The following FGF14 variants were observed in gnomAD, a reference collection of about 807,000 sequenced individuals.
The protein encoded by FGF14 is fibroblast growth factor 14.
FGF14 carries 5 observed loss-of-function variants against 25.5 expected under a neutral mutation model. The observed-to-expected ratio is 0.20, with a 90% CI of 0.10 to 0.41. The LOEUF is 0.41. Ranked by LOEUF, FGF14 falls within the 10% of genes least tolerant of loss-of-function variation. The pLI is 1.00. For synonymous variants in FGF14, 138 were observed against 118.3 expected (o/e 1.17, Z -1.08); for missense variants, 222 against 320.1 (o/e 0.69, Z 2.34).
At chr13:102,252,610 T>C (rs1249023946) in intron 1 of FGF14, among the ~76,000 whole-genome samples, 1 of 152,164 alleles carries the variant, frequency 6.6e-6, no homozygotes, top group Non-Finnish European at 1.5e-5. Context: ...GCTATGTAAA[T>C]AGCTGTTATA....
At chr13:101,878,844 G>A (rs1033868434) in intron 1 of FGF14, among the ~76,000 whole-genome samples, 1 of 151,988 alleles carries the variant, frequency 6.6e-6, no homozygotes, top group Non-Finnish European at 1.5e-5. Flanking sequence ...AATGTAATAT[G>A]TAAAAATACA....
intron 1 of FGF14, among the ~76,000 whole-genome samples, chr13:102,241,655 T>C (rs955788378): frequency 6.6e-6 from 1 of 152,156 alleles, no homozygotes; most frequent in Non-Finnish European, 1.5e-5. Flanking sequence ...AGTTTATTTT[T>C]TTCCATTATT....
rs1594017466 is a variant in FGF14 at position 101,720,526 on chromosome 13, T to G, written c.*2305A>C. 1 of 122,698 alleles carries G rather than the reference T, an allele frequency of 8.2e-6. No individual in the cohort carries two copies. The highest frequency in any genetic ancestry group is 2.5e-4 in the East Asian group (1 of 4,016). The allele number at this position is 122,698 out of a possible 1,614,324, so 7.6% of individuals were successfully genotyped here. On this transcript the variant is annotated 3_prime_UTR_variant, in exon 5 of 5. Coordinates refer to ENST00000376143, the MANE Select transcript of FGF14 (RefSeq NM_004115.4). ...TCAGTAACAAATAGATGGGGGTGTT[T>G]GCTCTGTGTGTGTGTGTGTGTGTGT...
intron 1 of FGF14, among the ~76,000 whole-genome samples, chr13:102,161,620 A>AC (rs2047696758): frequency 1.7e-4 from 1 of 5,876 alleles, no homozygotes. Flanking sequence ...GAAGAAGAAG[A>AC]AGAAGAAGAA....
intron 3 of FGF14, among the ~76,000 whole-genome samples, chr13:101,800,113 A>T (rs540030180): frequency 6.6e-6 from 1 of 152,266 alleles, no homozygotes; most frequent in South Asian, 2.1e-4. Context: ...ATTTGCAGAC[A>T]GAAAGAGTGT....
intron 1 of FGF14, among the ~76,000 whole-genome samples, chr13:101,894,141 T>C (rs553360103): frequency 5.3e-5 from 8 of 152,260 alleles, no homozygotes; most frequent in African/African-American, 1.9e-4. Context: ...TTAAAGGTGA[T>C]TTCATATACC....
chr13:102,321,643 G>A (rs1411534669), intron 1 of FGF14, among the ~76,000 whole-genome samples: 3 of 152,078 alleles, frequency 2.0e-5, no homozygotes, highest in Non-Finnish European at 2.9e-5. Context: ...GCCAAAATCT[G>A]CTTACATTTC....
intron 1 of FGF14, among the ~76,000 whole-genome samples, chr13:102,396,111 G>A (rs2139267166): frequency 6.6e-6 from 1 of 152,260 alleles, no homozygotes; most frequent in South Asian, 2.1e-4. Context: ...ACTAAACCTT[G>A]TACCTGGTAC....
chr13:101,979,800 C>T (rs548183934), intron 1 of FGF14, among the ~76,000 whole-genome samples: 2 of 152,100 alleles, frequency 1.3e-5, no homozygotes, highest in East Asian at 1.9e-4. Context: ...ACTGATTATA[C>T]GAGGAAAAGA....
Position 101,720,525 on chromosome 13 carries a change from TTGCTCTGTG to T in FGF14, c.*2297_*2305del, listed in dbSNP as rs996548690. The T allele has an allele frequency of 7.6e-6, 1 of 131,510 alleles. No homozygotes were observed. The highest frequency in any genetic ancestry group is 2.9e-5 in the African/African-American group (1 of 34,408). The allele number at this position is 131,510 out of a possible 1,614,324, so 8.1% of individuals were successfully genotyped here. On this transcript the variant is annotated 3_prime_UTR_variant, in exon 5 of 5. Transcript: ENST00000376143. Reference sequence around the variant, plus strand: ...ATCAGTAACAAATAGATGGGGGTGTTTGCTCTGTGTGTGTGTGTGTGTGTGTGTGTGTGT... The same window carrying T: ...ATCAGTAACAAATAGATGGGGGTGTTTGTGTGTGTGTGTGTGTGTGTGTGT...
At chr13:101,748,244 TA>T (rs1171125619) in intron 3 of FGF14, among the ~76,000 whole-genome samples, 2 of 151,804 alleles carry the variant, frequency 1.3e-5, no homozygotes, top group African/African-American at 2.4e-5. Flanking sequence ...GATGATTGGA[TA>T]AAGAAGATGT....
At chr13:102,270,503 A>G (rs2053195145) in intron 1 of FGF14, among the ~76,000 whole-genome samples, 1 of 152,174 alleles carries the variant, frequency 6.6e-6, no homozygotes, top group African/African-American at 2.4e-5. Flanking sequence ...CTTAGGATAG[A>G]TTCTCAGAAA....
intron 1 of FGF14, among the ~76,000 whole-genome samples, chr13:102,160,435 T>G (rs1257534991): frequency 3.9e-5 from 6 of 152,224 alleles, no homozygotes; most frequent in Non-Finnish European, 1.5e-5. Flanking sequence ...CGTCCACTAC[T>G]GTGTCTTCTC....
At chr13:101,724,677 A>G (rs2035276472) in intron 4 of FGF14, among the ~76,000 whole-genome samples, 1 of 2,478 alleles carries the variant, frequency 4.0e-4, no homozygotes. Flanking sequence ...TTAACCAGGT[A>G]CTTAATTTGT....
chr13:101,939,218 C>T (rs755392008), intron 1 of FGF14, among the ~76,000 whole-genome samples: 4 of 152,178 alleles, frequency 2.6e-5, no homozygotes, highest in Non-Finnish European at 4.4e-5. Flanking sequence ...TCCAGAGAAA[C>T]AATTGTTCAA....
At chr13:101,762,523 T>C (rs967422748) in intron 3 of FGF14, among the ~76,000 whole-genome samples, 2 of 152,230 alleles carry the variant, frequency 1.3e-5, no homozygotes, top group South Asian at 4.1e-4. Context: ...AGGAAATATA[T>C]ACTTAGGTAA....
intron 1 of FGF14, among the ~76,000 whole-genome samples, chr13:102,094,240 A>G (rs72485623): frequency 0.035 from 5,368 of 152,196 alleles, 287 homozygotes; most frequent in East Asian, 0.19. Context: ...CTCTAATATG[A>G]TTCAAGAAAA....
intron 1 of FGF14, among the ~76,000 whole-genome samples, chr13:102,306,359 C>T (rs1056001349): frequency 6.6e-6 from 1 of 152,058 alleles, no homozygotes; most frequent in Non-Finnish European, 1.5e-5. Context: ...TTCAAGCATA[C>T]GCATAGACAT....
chr13:102,303,764 G>T (rs2055208160), intron 1 of FGF14, among the ~76,000 whole-genome samples: 1 of 152,154 alleles, frequency 6.6e-6, no homozygotes, highest in African/African-American at 2.4e-5. Flanking sequence ...TTATGGTTGT[G>T]TCACTGCCAC....
Sources: gnomAD v4.1 joint callset for allele counts (sites outside exome capture counted in the v4.1 genomes callset) on GRCh38, gnomAD v4.1.1 for gene constraint, MANE v1.5 for transcripts, NCBI Gene and HGNC (gene_info 2026-07-23, HGNC 2026-07-21) for gene names.